RNGTT: variants seen among roughly 807,000 people sequenced by gnomAD.
The protein encoded by RNGTT is RNA guanylyltransferase and 5'-phosphatase.
A neutral mutation model predicts 79.3 loss-of-function variants in RNGTT; 33 were observed. The observed-to-expected ratio is 0.42, with a 90% confidence interval of 0.32 to 0.56. RNGTT has a LOEUF of 0.56. RNGTT is among the 20% of genes least tolerant of loss of function. RNGTT has a pLI of 0.17. For missense variants in RNGTT, 497 were observed against 739.1 expected (o/e 0.67, Z 3.80); for synonymous variants, 222 against 235.9 (o/e 0.94, Z 0.54).
chr6:88,672,986 T>C (rs1774714002), intron 14 of RNGTT, among the ~76,000 whole-genome samples: 1 of 152,230 alleles, frequency 6.6e-6, no homozygotes, highest in Non-Finnish European at 1.5e-5. Context: ...ATAGCAAATT[T>C]CTGAATTCAT....
chr6:88,784,915 C>T (rs1397390120), intron 12 of RNGTT, among the ~76,000 whole-genome samples: 2 of 151,970 alleles, frequency 1.3e-5, no homozygotes, highest in Non-Finnish European at 1.5e-5. Context: ...AATGTATTCA[C>T]ACATTTGTAT....
chr6:88,843,102 A>C (rs999378629), intron 11 of RNGTT, among the ~76,000 whole-genome samples: 12 of 149,358 alleles, frequency 8.0e-5, no homozygotes, highest in African/African-American at 2.5e-4. Flanking sequence ...CAAAACAAAA[A>C]ACTCATACTC....
At chr6:88,934,880 C>T (rs1308339943) in intron 2 of RNGTT, among the ~76,000 whole-genome samples, 1 of 152,102 alleles carries the variant, frequency 6.6e-6, no homozygotes, top group Non-Finnish European at 1.5e-5. Context: ...TCCCAAAGTG[C>T]TGGGATTACA....
chr6:88,930,176 A>G (rs998262299), intron 2 of RNGTT, among the ~76,000 whole-genome samples: 1 of 148,290 alleles, frequency 6.7e-6, no homozygotes, highest in African/African-American at 2.5e-5. Context: ...ATATACATAT[A>G]TGTATATACA....
chr6:88,842,076 A>G (rs1241235081), intron 11 of RNGTT, among the ~76,000 whole-genome samples: 1 of 152,236 alleles, frequency 6.6e-6, no homozygotes, highest in East Asian at 1.9e-4. Context: ...ACCAAAAGCA[A>G]GAATGTCTTA....
intron 10 of RNGTT, among the ~76,000 whole-genome samples, chr6:88,847,288 A>G (rs1050253716): frequency 6.6e-6 from 1 of 152,174 alleles, no homozygotes; most frequent in Non-Finnish European, 1.5e-5. Flanking sequence ...ATTATGTCTC[A>G]TTCATCTTTG....
chr6:88,773,505 A>C (rs1778770202), intron 12 of RNGTT, among the ~76,000 whole-genome samples: 1 of 151,494 alleles, frequency 6.6e-6, no homozygotes, highest in Non-Finnish European at 1.5e-5. Flanking sequence ...TGGTAAAAAA[A>C]AAAAAATCTT....
At chr6:88,815,505 T>C (rs911735953) in intron 11 of RNGTT, among the ~76,000 whole-genome samples, 1 of 152,210 alleles carries the variant, frequency 6.6e-6, no homozygotes, top group African/African-American at 2.4e-5. Flanking sequence ...AAGGAGGCCC[T>C]AGGGACCCCC....
At chr6:88,779,618 C>T (rs547370270) in intron 12 of RNGTT, among the ~76,000 whole-genome samples, 2 of 152,252 alleles carry the variant, frequency 1.3e-5, no homozygotes, top group East Asian at 3.9e-4. Flanking sequence ...CACATCAAAT[C>T]ATTCATATTA....
intron 11 of RNGTT, among the ~76,000 whole-genome samples, chr6:88,828,501 A>C (rs191123863): frequency 3.3e-5 from 5 of 151,994 alleles, no homozygotes; most frequent in African/African-American, 1.2e-4. Context: ...AAGGATCACA[A>C]CTCCTCATCA....
At chr6:88,817,908 C>T (rs1169196190) in intron 11 of RNGTT, among the ~76,000 whole-genome samples, 1 of 151,794 alleles carries the variant, frequency 6.6e-6, no homozygotes, top group African/African-American at 2.4e-5. Context: ...TACAGGCGCC[C>T]GCCAACACGC....
chr6:88,659,598 G>C (rs1462654261), intron 14 of RNGTT, among the ~76,000 whole-genome samples: 1 of 143,556 alleles, frequency 7.0e-6, no homozygotes, highest in Non-Finnish European at 1.5e-5. Flanking sequence ...CAAAGACAAA[G>C]AGAAAAAGAA....
At chr6:88,741,035 T>C (rs988290772) in intron 13 of RNGTT, among the ~76,000 whole-genome samples, 8 of 152,164 alleles carry the variant, frequency 5.3e-5, no homozygotes, top group African/African-American at 1.9e-4. Flanking sequence ...GAAAATAGTT[T>C]GGAGATTTCT....
At chr6:88,784,937 T>C (rs1779180507) in intron 12 of RNGTT, among the ~76,000 whole-genome samples, 1 of 152,156 alleles carries the variant, frequency 6.6e-6, no homozygotes, top group Non-Finnish European at 1.5e-5. Context: ...TGCTTCTATA[T>C]ATATAAAGAA....
At chr6:88,829,751 TAA>T (rs1221253513) in intron 11 of RNGTT, among the ~76,000 whole-genome samples, 1 of 134,346 alleles carries the variant, frequency 7.4e-6, no homozygotes, top group Non-Finnish European at 1.6e-5. Flanking sequence ...TAGTCTCTGA[TAA>T]AACAGACTTT....
intron 13 of RNGTT, among the ~76,000 whole-genome samples, chr6:88,762,584 A>C (rs927105228): frequency 6.6e-6 from 1 of 152,226 alleles, no homozygotes; most frequent in Non-Finnish European, 1.5e-5. Context: ...GCCTTTGCCT[A>C]GAATGACCAA....
intron 14 of RNGTT, among the ~76,000 whole-genome samples, chr6:88,673,595 C>A (rs536442612): frequency 3.8e-4 from 58 of 152,206 alleles, no homozygotes; most frequent in African/African-American, 1.4e-3. Context: ...ACAACAACAT[C>A]AAAAGAAAAG....
intron 13 of RNGTT, among the ~76,000 whole-genome samples, chr6:88,730,979 G>C (rs1178015130): frequency 6.6e-6 from 1 of 152,066 alleles, no homozygotes; most frequent in Non-Finnish European, 1.5e-5. Context: ...AGGAATGCAA[G>C]CCTCCTAAAA....
rs568058032 is a variant in RNGTT, at chr6:88,612,575, G to A, written c.*144C>T. 1.3e-5 allele frequency: 11 copies of A among 876,954 alleles called. No homozygotes were observed. Among genetic ancestry groups the A allele is most frequent in the Admixed American group, 7.2e-5 (3 of 41,764 alleles). 54.3% of individuals were successfully genotyped at this position (876,954 alleles called of 1,614,324 possible). A position where few individuals can be genotyped will look rare whatever the true frequency, so the allele number is the denominator to read the frequency against. ...CATCAAGTATTTACAGGCTGGCTACGATAACTTTCTTTTTTTAAAAAAAAT... is the reference window on the plus strand; with the variant it reads ...CATCAAGTATTTACAGGCTGGCTACAATAACTTTCTTTTTTTAAAAAAAAT... On this transcript the variant is annotated 3_prime_UTR_variant, in exon 16 of 16. Coordinates refer to ENST00000369485, the MANE Select transcript of RNGTT (RefSeq NM_003800.5).
Sources: gnomAD v4.1 joint callset for allele counts (sites outside exome capture counted in the v4.1 genomes callset) on GRCh38, gnomAD v4.1.1 for gene constraint, MANE v1.5 for transcripts, NCBI Gene and HGNC (gene_info 2026-07-23, HGNC 2026-07-21) for gene names.